Variants in MOB1B observed in about 807,000 individuals in gnomAD.
MOB1B encodes the protein MOB1 Mps One Binder homolog B.
A neutral mutation model predicts 24.4 loss-of-function variants in MOB1B; 19 were observed. That is an observed-to-expected ratio of 0.78 (90% CI 0.54 to 1.14). The LOEUF (loss-of-function observed/expected upper bound fraction) is 1.14. Ranked by LOEUF, MOB1B falls within the 50% of genes most tolerant of loss-of-function variation. MOB1B has a pLI of 0.00. For synonymous variants in MOB1B, 76 were observed against 82.1 expected (o/e 0.93, Z 0.40); for missense variants, 243 against 259.6 (o/e 0.94, Z 0.44).
intron 1 of MOB1B, among the ~76,000 whole-genome samples, chr4:70,940,513 G>A (rs1049613707): frequency 5.3e-5 from 8 of 152,242 alleles, no homozygotes; most frequent in African/African-American, 1.9e-4. Flanking sequence ...ACATGGTGGT[G>A]ACTTGCCCGT....
At position 70,976,438 on chromosome 4, in the gene MOB1B, G is replaced by T. The variant is rs1738999414; in HGVS notation, c.409+1152G>T. ...TGTGAGAAGAAAACAAGATTTGAGG[G>T]GTTGCTGTATCATCGGCTGAGTGAC... is the stretch of plus-strand genomic sequence containing the variant. On this transcript the variant is annotated intron_variant, in intron 4 of 5. Transcript: ENST00000309395. 4.1e-6 allele frequency: 4 copies of T among 985,114 alleles called. No individual in the cohort carries two copies. In the African/African-American group the frequency reaches 5.2e-5, roughly 13 times the overall value. The allele number at this position is 985,114 out of a possible 1,614,324, so 61.0% of individuals were successfully genotyped here. A position where few individuals can be genotyped will look rare whatever the true frequency, so the allele number is the denominator to read the frequency against.
intron 1 of MOB1B, among the ~76,000 whole-genome samples, chr4:70,904,663 A>G (rs1735666392): frequency 6.6e-6 from 1 of 151,304 alleles, no homozygotes; most frequent in African/African-American, 2.4e-5. Flanking sequence ...GGAGGCTGAG[A>G]CGGGAGTATC....
intron 1 of MOB1B, among the ~76,000 whole-genome samples, chr4:70,923,074 C>T (rs1022789355): frequency 3.9e-5 from 6 of 152,148 alleles, no homozygotes; most frequent in African/African-American, 9.7e-5. Flanking sequence ...CAAAGGAGAA[C>T]GTCACATTAA....
At chr4:70,954,610 C>A (rs776510328) in intron 1 of MOB1B, among the ~76,000 whole-genome samples, 19 of 151,348 alleles carry the variant, frequency 1.3e-4, no homozygotes, top group Non-Finnish European at 2.5e-4. Flanking sequence ...CCTGCGCCAC[C>A]ATGCCCAGCT....
At chr4:70,975,581 AT>A (rs990041258) in intron 4 of MOB1B, 1 of 1,005,126 alleles carries the variant, frequency 9.9e-7, no homozygotes, top group Non-Finnish European at 1.2e-6. Flanking sequence ...TCTTAAGGTA[AT>A]TATTTTTGAT....
intron 1 of MOB1B, among the ~76,000 whole-genome samples, chr4:70,921,709 G>T (rs773145628): frequency 4.6e-5 from 7 of 151,870 alleles, no homozygotes; most frequent in Admixed American, 3.3e-4. Context: ...GGGTTTCACC[G>T]TGTTGGCCAG....
At chr4:70,921,866 A>T (rs1221066486) in intron 1 of MOB1B, among the ~76,000 whole-genome samples, 1 of 152,180 alleles carries the variant, frequency 6.6e-6, no homozygotes, top group Non-Finnish European at 1.5e-5. Context: ...TTTGAATATG[A>T]AAGTGTTAAT....
At chr4:70,924,197 T>G (rs904394768) in intron 1 of MOB1B, among the ~76,000 whole-genome samples, 19 of 152,318 alleles carry the variant, frequency 1.2e-4, no homozygotes, top group African/African-American at 4.6e-4. Context: ...AAATAGCTCT[T>G]TGTTTAAAAA....
intron 4 of MOB1B, among the ~76,000 whole-genome samples, chr4:70,977,052 A>G (rs1313515680): frequency 2.6e-5 from 4 of 152,030 alleles, no homozygotes; most frequent in African/African-American, 9.7e-5. Context: ...TAAGTTGCGT[A>G]TATGATGCCT....
intron 2 of MOB1B, among the ~76,000 whole-genome samples, chr4:70,962,619 G>A (rs74328050): frequency 0.013 from 1,970 of 152,040 alleles, 38 homozygotes; most frequent in African/African-American, 0.045. Flanking sequence ...AGAAAAATCT[G>A]TGCAACCTTG....
chr4:70,979,250 C>T lies in MOB1B; in HGVS notation c.532C>T (p.His178Tyr). Residue 178 changes from histidine (H) to tyrosine (Y), a missense_variant, in exon 5 of 6, where the codon CAT becomes TAT. Transcript: ENST00000309395. ...DPVIQLQEEA[H>Y]LNTSFKHFIF... The stretch of plus-strand genomic sequence containing the variant: ...TGTGATCCAGCTTCAGGAGGAAGCA[C>T]ATCTAAATACATCTTTCAAGCACTT... 2.5e-6 allele frequency: 4 copies of T among 1,613,784 alleles called. No homozygotes were observed. Among genetic ancestry groups the T allele is most frequent in the Non-Finnish European group, 3.4e-6 (4 of 1,179,858 alleles).
chr4:70,935,528 C>G (rs556081003), intron 1 of MOB1B, among the ~76,000 whole-genome samples: 64 of 152,266 alleles, frequency 4.2e-4, no homozygotes, highest in African/African-American at 1.4e-3. Context: ...AGTTGGAACT[C>G]CAGATGGCTG....
At chr4:70,914,519 A>G (rs1471558863) in intron 1 of MOB1B, among the ~76,000 whole-genome samples, 1 of 152,248 alleles carries the variant, frequency 6.6e-6, no homozygotes, top group Non-Finnish European at 1.5e-5. Flanking sequence ...AGGTGTAGGT[A>G]TGCTGATTAC....
chr4:70,960,555 C>A (rs1487758597), intron 2 of MOB1B, among the ~76,000 whole-genome samples: 1 of 152,050 alleles, frequency 6.6e-6, no homozygotes, highest in South Asian at 2.1e-4. Flanking sequence ...GAGCTGCCCC[C>A]CTCTAATACC....
chr4:70,920,772 T>G (rs1736405128), intron 1 of MOB1B, among the ~76,000 whole-genome samples: 1 of 152,194 alleles, frequency 6.6e-6, no homozygotes, highest in African/African-American at 2.4e-5. Flanking sequence ...TACAGATTTT[T>G]GGGGGAAATT....
At chr4:70,968,222 T>A (rs905621235) in intron 2 of MOB1B, among the ~76,000 whole-genome samples, 1 of 152,240 alleles carries the variant, frequency 6.6e-6, no homozygotes, top group Admixed American at 6.5e-5. Flanking sequence ...TAAACTTAAT[T>A]GTCTTGCCTT....
At chr4:70,972,942 T>C (rs1054995375) in intron 3 of MOB1B, among the ~76,000 whole-genome samples, 9 of 151,906 alleles carry the variant, frequency 5.9e-5, no homozygotes, top group Non-Finnish European at 1.2e-4. Flanking sequence ...CCCGGCTAAT[T>C]TTTTGTATTT....
chr4:70,967,977 T>C (rs1738604069), intron 2 of MOB1B, among the ~76,000 whole-genome samples: 1 of 152,124 alleles, frequency 6.6e-6, no homozygotes, highest in South Asian at 2.1e-4. Context: ...AGTGCTGGGA[T>C]TACAGGCATG....
chr4:70,914,541 T>C (rs1289569078), intron 1 of MOB1B, among the ~76,000 whole-genome samples: 2 of 152,228 alleles, frequency 1.3e-5, no homozygotes, highest in Non-Finnish European at 2.9e-5. Context: ...GATGTGTTGC[T>C]GCTCCCAGGC....
Sources: allele counts gnomAD v4.1 joint callset (sites outside exome capture counted in the v4.1 genomes callset), GRCh38; gene constraint gnomAD v4.1.1; transcripts MANE v1.5; gene names NCBI Gene and HGNC (gene_info 2026-07-23, HGNC 2026-07-21).